Variants in VPS37C observed in about 807,000 individuals in gnomAD.
The protein encoded by VPS37C is VPS37C subunit of ESCRT-I, also known as vacuolar protein sorting-associated protein 37C.
VPS37C carries 9 observed loss-of-function variants against 16.1 expected under a neutral mutation model. The ratio of observed to expected loss-of-function variants is 0.56; its 90% CI spans 0.34 to 0.97. VPS37C has a LOEUF of 0.97. VPS37C is among the 50% of genes least tolerant of loss of function. The pLI is 0.02. For synonymous variants in VPS37C, 207 were observed against 206.4 expected (o/e 1.00, Z -0.02); for missense variants, 479 against 472.7 (o/e 1.01, Z -0.12).
intron 1 of VPS37C, among the ~76,000 whole-genome samples, chr11:61,155,081 A>G (rs1853357202): frequency 2.8e-5 from 4 of 140,488 alleles, no homozygotes; most frequent in Middle Eastern, 3.5e-3. Context: ...TCTGGCCTGG[A>G]TGACAGAGTG....
chr11:61,142,954 T>TAAAAAAAAAAAAGAATGGCAAAAAAAAA (rs1861498098), intron 1 of VPS37C, among the ~76,000 whole-genome samples: 1 of 92,338 alleles, frequency 1.1e-5, no homozygotes, highest in Non-Finnish European at 2.0e-5. Context: ...TAAAGTATAA[T>TAAAAAAAAAAAAGAATGGCAAAAAAAAA]AAAAAAAAAA....
chr11:61,131,753 CG>C lies in VPS37C; in HGVS notation c.*66del. 1 of 1,235,638 alleles carries C rather than the reference CG, an allele frequency of 8.1e-7. No homozygotes were observed. 76.5% of individuals were successfully genotyped at this position (1,235,638 alleles called of 1,614,324 possible). ...CCACTTCCAGTTGACCCTCGAATCT[CG>C]GCGATGGCTGGGCCAAAGGTTGAGC... On this transcript the variant is annotated 3_prime_UTR_variant, in exon 5 of 5. Coordinates refer to ENST00000301765, the MANE Select transcript of VPS37C (RefSeq NM_017966.5).
At chr11:61,149,975 A>G (rs562624269) in intron 1 of VPS37C, among the ~76,000 whole-genome samples, 13 of 152,296 alleles carry the variant, frequency 8.5e-5, no homozygotes, top group African/African-American at 3.1e-4. Flanking sequence ...GGCAGGCTGC[A>G]GAGCCCAGCA....
At chr11:61,145,518 C>T (rs1853190249) in intron 1 of VPS37C, 1 of 152,580 alleles carries the variant, frequency 6.6e-6, no homozygotes, top group South Asian at 2.1e-4. Context: ...AGGTCCCTTT[C>T]TCTCACCAAT....
At chr11:61,142,055 G>A (rs1418256857) in intron 1 of VPS37C, among the ~76,000 whole-genome samples, 1 of 152,230 alleles carries the variant, frequency 6.6e-6, no homozygotes, top group African/African-American at 2.4e-5. Flanking sequence ...ACCACAGGAG[G>A]TGCCACCAGA....
intron 1 of VPS37C, among the ~76,000 whole-genome samples, chr11:61,159,768 T>C (rs1590797646): frequency 4.7e-5 from 7 of 149,372 alleles, no homozygotes; most frequent in Admixed American, 4.7e-4. Flanking sequence ...CCGGGCGTGG[T>C]GGTGGGCACC....
intron 1 of VPS37C, among the ~76,000 whole-genome samples, chr11:61,160,575 T>G (rs910485117): frequency 1.3e-5 from 2 of 152,160 alleles, no homozygotes; most frequent in African/African-American, 4.8e-5. Context: ...AGCTGAAGAC[T>G]GACATTCCCA....
intron 4 of VPS37C, 130 bp from the exon 5 acceptor site, chr11:61,132,669 C>G (rs1472440535): frequency 1.7e-6 from 2 of 1,208,238 alleles, no homozygotes; most frequent in Non-Finnish European, 1.1e-6. Context: ...TCTTCCCTGC[C>G]CATACGCCCC....
intron 1 of VPS37C, among the ~76,000 whole-genome samples, chr11:61,152,727 C>T (rs1291828935): frequency 6.6e-6 from 1 of 152,212 alleles, no homozygotes; most frequent in Non-Finnish European, 1.5e-5. Context: ...ACCACACTTC[C>T]AGTCACTTGA....
In VPS37C at chr11:61,132,066, C is replaced by G; in HGVS notation, c.822G>C (p.Gly274=). The G allele has an allele frequency of 3.6e-6, 5 of 1,393,670 alleles. No individual in the cohort carries two copies. The highest frequency in any genetic ancestry group is 4.7e-6 in the Non-Finnish European group (5 of 1,069,830). 86.3% of individuals were successfully genotyped at this position (1,393,670 alleles called of 1,614,324 possible). The stretch of plus-strand genomic sequence containing the variant: ...CAGGCCCAGAGGCACCCATTGGGGT[C>G]CCAGGATAGCCCGGCCGGGGTGGCA... ...RSMPPRPGYP[G]TPMGASGPGY... The change falls in exon 5 of 5, where the codon GGG becomes GGC. Residue 274 remains glycine, a synonymous_variant. Transcript: ENST00000301765.
At chr11:61,145,245 G>A (rs968190432) in intron 1 of VPS37C, 1 of 152,234 alleles carries the variant, frequency 6.6e-6, no homozygotes, top group South Asian at 2.1e-4. Context: ...CCACTGTGCG[G>A]GTGTTTTCAT....
chr11:61,152,824 T>G (rs1474808910), intron 1 of VPS37C, among the ~76,000 whole-genome samples: 1 of 152,162 alleles, frequency 6.6e-6, no homozygotes, highest in East Asian at 1.9e-4. Flanking sequence ...TTGCTCTTGC[T>G]CTCCACTCTG....
In VPS37C at chr11:61,138,767, C is replaced by T. The variant is rs144092595; in HGVS notation, c.63G>A (p.Ala21=). 55 of 1,614,156 alleles carry T rather than the reference C, an allele frequency of 3.4e-5. No individual in the cohort carries two copies. The highest frequency in any genetic ancestry group is 1.9e-4 in the African/African-American group (14 of 75,022). The change falls in exon 2 of 5, where the codon GCG becomes GCA. Residue 21 remains alanine, a synonymous_variant. Coordinates refer to ENST00000301765, the MANE Select transcript of VPS37C (RefSeq NM_017966.5). ...GGGACTCCAGGGCCAGCTGGTCAAT[C>T]GCCTCCGAGTCATTCTGCAACTCCT... The part of the protein sequence containing the change: ...ELEELQNDSE[A]IDQLALESPE...
Position 61,138,790 on chromosome 11 carries a change from C to G in VPS37C, c.40G>C (p.Glu14Gln). 1 of 1,614,194 alleles carries G rather than the reference C, an allele frequency of 6.2e-7. No homozygotes were observed. Among genetic ancestry groups the G allele is most frequent in the South Asian group, 1.1e-5 (1 of 91,082 alleles). ...ATCGCCTCCGAGTCATTCTGCAACT[C>G]CTCCAGCTCCTGCAGGGTCTTATCC... ...LKDKTLQELE[E>Q]LQNDSEAIDQ... Residue 14 changes from glutamate to glutamine, a missense_variant, in exon 2 of 5, where the codon GAG becomes CAG. By Grantham distance (29) the Glu-to-Gln change is conservative. Coordinates refer to ENST00000301765, the MANE Select transcript of VPS37C (RefSeq NM_017966.5).
At chr11:61,156,024 T>A (rs1046613834) in intron 1 of VPS37C, among the ~76,000 whole-genome samples, 1 of 151,748 alleles carries the variant, frequency 6.6e-6, no homozygotes, top group African/African-American at 2.4e-5. Context: ...GAAGATAGGC[T>A]GTAGCAAATT....
At chr11:61,136,465 C>T (rs546306412) in intron 2 of VPS37C, among the ~76,000 whole-genome samples, 5 of 152,258 alleles carry the variant, frequency 3.3e-5, no homozygotes, top group South Asian at 2.1e-4. Flanking sequence ...TGAGCTACCG[C>T]GCCCAGCCTG....
intron 1 of VPS37C, among the ~76,000 whole-genome samples, chr11:61,153,401 C>A (rs1853331627): frequency 6.6e-6 from 1 of 152,164 alleles, no homozygotes; most frequent in Admixed American, 6.5e-5. Flanking sequence ...GTCAATTAAA[C>A]CTCTTTCCTT....
chr11:61,131,688 G>T lies in VPS37C; in HGVS notation c.*132C>A. ...CCGCCCAGTGCCTTGTCCCTCCAAG[G>T]CCTCTGGGTGCCGACGCAAGTCCAC... On this transcript the variant is annotated 3_prime_UTR_variant, in exon 5 of 5. Transcript: ENST00000301765. 8.4e-7 allele frequency: 1 copy of T among 1,186,964 alleles called. No individual in the cohort carries two copies. Among genetic ancestry groups the T allele is most frequent in the Non-Finnish European group, 1.1e-6 (1 of 947,478 alleles). The allele number at this position is 1,186,964 out of a possible 1,614,324, so 73.5% of individuals were successfully genotyped here.
intron 1 of VPS37C, among the ~76,000 whole-genome samples, chr11:61,140,032 C>G (rs1861448434): frequency 6.6e-6 from 1 of 152,150 alleles, no homozygotes; most frequent in Admixed American, 6.5e-5. Context: ...TGTGTGCCAC[C>G]ATGTCCAGCT....
Sources: allele counts gnomAD v4.1 joint callset (sites outside exome capture counted in the v4.1 genomes callset), GRCh38; gene constraint gnomAD v4.1.1; transcripts MANE v1.5; gene names NCBI Gene and HGNC (gene_info 2026-07-23, HGNC 2026-07-21).